The following MALRD1 variants were observed in gnomAD, a reference collection of about 807,000 sequenced individuals.
MALRD1 encodes MAM and LDL-receptor class A domain-containing protein 1.
MALRD1 carries 247 observed loss-of-function variants against 242.1 expected under a neutral mutation model. The observed-to-expected ratio is 1.02, with a 90% CI of 0.92 to 1.13. The LOEUF (loss-of-function observed/expected upper bound fraction) is 1.13, where lower values mean the gene tolerates loss of function less well. Among genes scored for constraint, MALRD1 ranks in the 50% most tolerant of loss-of-function variants. The probability of loss-of-function intolerance (pLI) is 0.00; values close to 1 mark genes in which losing one functional copy is unlikely to be tolerated. For missense variants in MALRD1, 2,989 were observed against 2,533.1 expected, an observed-to-expected ratio of 1.18 and a Z score of -3.86; for synonymous variants, 995 against 866.6, an observed-to-expected ratio of 1.15 and a Z score of -2.60.
At chr10:19,069,339 T>G (rs1835072102) in intron 2 of MALRD1, among the ~76,000 whole-genome samples, 1 of 152,072 alleles carries the variant, frequency 6.6e-6, no homozygotes, top group African/African-American at 2.4e-5. Context: ...ATATTTTTAT[T>G]TTGTTCTATA....
chr10:19,573,283 C>T (rs1488394241), intron 33 of MALRD1, among the ~76,000 whole-genome samples: 2 of 152,120 alleles, frequency 1.3e-5, no homozygotes, highest in African/African-American at 4.8e-5. Context: ...CACCATGGCC[C>T]TCTCCTAGGA....
At chr10:19,246,732 G>A (rs1286719707) in intron 18 of MALRD1, among the ~76,000 whole-genome samples, 1 of 152,126 alleles carries the variant, frequency 6.6e-6, no homozygotes, top group Non-Finnish European at 1.5e-5. Context: ...ATAATGCAGT[G>A]AGAATGGTTT....
At chr10:19,612,858 C>T (rs182930590) in intron 35 of MALRD1, among the ~76,000 whole-genome samples, 2 of 151,998 alleles carry the variant, frequency 1.3e-5, no homozygotes, top group Admixed American at 1.3e-4. Context: ...GAAACCACTC[C>T]CATGATCCAG....
At chr10:19,406,624 G>A (rs1847123725) in intron 28 of MALRD1, among the ~76,000 whole-genome samples, 3 of 152,120 alleles carry the variant, frequency 2.0e-5, no homozygotes, top group Non-Finnish European at 4.4e-5. Flanking sequence ...AGTTATTCAT[G>A]ACGAATAAAT....
intron 1 of MALRD1, among the ~76,000 whole-genome samples, chr10:19,052,452 G>A (rs551536774): frequency 2.6e-5 from 4 of 152,262 alleles, no homozygotes; most frequent in Admixed American, 2.0e-4. Context: ...CTGGGATCAA[G>A]AAAGTGTATT....
intron 2 of MALRD1, among the ~76,000 whole-genome samples, chr10:19,070,556 C>G (rs1191844786): frequency 6.6e-6 from 1 of 152,066 alleles, no homozygotes; most frequent in East Asian, 1.9e-4. Context: ...AAAAAGTTCT[C>G]TGTTACCTTT....
intron 26 of MALRD1, among the ~76,000 whole-genome samples, chr10:19,378,587 A>T (rs531662005): frequency 1.3e-5 from 2 of 152,182 alleles, no homozygotes; most frequent in South Asian, 4.1e-4. Context: ...TCTTTTTCTG[A>T]TTTAAAAATA....
At position 19,300,366 on chromosome 10, in the gene MALRD1, C is replaced by G. The variant is rs556808068; in HGVS notation, c.3419+17185C>G. Among the ~76,000 whole-genome samples the G allele has an allele frequency of 4.6e-5, 7 of 151,940 alleles. No homozygotes were observed. In the South Asian group the frequency reaches 1.2e-3, roughly 27 times the overall value. On this transcript the variant is annotated intron_variant, in intron 21 of 39. Coordinates refer to ENST00000454679, the MANE Select transcript of MALRD1 (RefSeq NM_001142308.3). ...TTTTCACAGAATTCAAAAAACTATT[C>G]TAAAATTAATATGCAATCAAAAAAG...
chr10:19,290,736 A>G (rs566070497), intron 21 of MALRD1, among the ~76,000 whole-genome samples: 20 of 152,296 alleles, frequency 1.3e-4, no homozygotes, highest in Non-Finnish European at 1.8e-4. Context: ...CAGCTGAGAA[A>G]TTTTTTAAAA....
chr10:19,266,194 A>G (rs1322538697), intron 19 of MALRD1, among the ~76,000 whole-genome samples: 1 of 151,718 alleles, frequency 6.6e-6, no homozygotes, highest in Non-Finnish European at 1.5e-5. Context: ...TTGTTGTAGA[A>G]TGTAATTCAC....
At chr10:19,441,489 CT>C (rs1481019278) in intron 28 of MALRD1, among the ~76,000 whole-genome samples, 7 of 152,154 alleles carry the variant, frequency 4.6e-5, no homozygotes, top group African/African-American at 1.7e-4. Context: ...ACATTTACGT[CT>C]TTAATCCATC....
intron 36 of MALRD1, among the ~76,000 whole-genome samples, chr10:19,673,259 C>T (rs868691311): frequency 6.6e-6 from 1 of 151,920 alleles, no homozygotes; most frequent in Admixed American, 6.6e-5. Flanking sequence ...TGGTGGCGGG[C>T]GCCTGTAGTC....
intron 19 of MALRD1, among the ~76,000 whole-genome samples, chr10:19,258,294 A>G (rs78820811): frequency 0.078 from 11,938 of 152,130 alleles, 780 homozygotes; most frequent in Admixed American, 0.21. Flanking sequence ...TACCTACTCA[A>G]CAGCTTAACC....
At chr10:19,256,947 A>G (rs1422659710) in intron 18 of MALRD1, among the ~76,000 whole-genome samples, 2 of 152,160 alleles carry the variant, frequency 1.3e-5, no homozygotes, top group Non-Finnish European at 2.9e-5. Context: ...CCTAGTAAGC[A>G]TGCAAGACAT....
At chr10:19,559,596 T>A (rs1835876092) in intron 32 of MALRD1, among the ~76,000 whole-genome samples, 1 of 152,136 alleles carries the variant, frequency 6.6e-6, no homozygotes, top group African/African-American at 2.4e-5. Context: ...ACTTCATGAC[T>A]AAAACACCAA....
intron 21 of MALRD1, among the ~76,000 whole-genome samples, chr10:19,289,866 C>T (rs1703127200): frequency 6.6e-6 from 1 of 152,080 alleles, no homozygotes; most frequent in Admixed American, 6.6e-5. Context: ...GGAAGGCTTT[C>T]TGTCAATTCT....
At position 19,615,941 on chromosome 10, in the gene MALRD1, A is replaced by AT. The variant is rs10580913; in HGVS notation, c.6137+29dup. The AT allele has an allele frequency of 5.8e-3, 8,326 of 1,431,664 alleles. No homozygotes were observed. The highest frequency in any genetic ancestry group is 0.013 in the South Asian group (936 of 72,920). 88.7% of individuals were successfully genotyped at this position (1,431,664 alleles called of 1,614,324 possible). A position where few individuals can be genotyped will look rare whatever the true frequency, so the allele number is the denominator to read the frequency against. On this transcript the variant is annotated intron_variant, in intron 36 of 39. Transcript: ENST00000454679. ...ATGTGTCGGTAAGAAGCATTGTTTA[A>AT]TTTTTTTTTTTAAGATTTTTTGGAG...
intron 29 of MALRD1, among the ~76,000 whole-genome samples, chr10:19,470,691 C>A (rs1461974996): frequency 3.3e-5 from 5 of 151,858 alleles, no homozygotes; most frequent in African/African-American, 1.2e-4. Context: ...TGATATTGTC[C>A]ATGTTTTCAT....
intron 18 of MALRD1, among the ~76,000 whole-genome samples, chr10:19,234,494 C>T (rs1295248829): frequency 1.3e-5 from 2 of 151,970 alleles, no homozygotes; most frequent in Non-Finnish European, 2.9e-5. Context: ...TCTCTCTTTT[C>T]AGTATCAATA....
Sources: gnomAD v4.1 joint callset for allele counts (sites outside exome capture counted in the v4.1 genomes callset) on GRCh38, gnomAD v4.1.1 for gene constraint, MANE v1.5 for transcripts, NCBI Gene and HGNC (gene_info 2026-07-23, HGNC 2026-07-21) for gene names.